Variants in NEURL4 observed in about 807,000 individuals in gnomAD.
NEURL4 encodes neuralized-like protein 4.
NEURL4 carries 45 observed loss-of-function variants against 148.0 expected under a neutral mutation model. That is an observed-to-expected ratio of 0.30 (90% CI 0.24 to 0.39). NEURL4 has a LOEUF of 0.39. Among genes scored for constraint, NEURL4 ranks in the 10% least tolerant of loss-of-function variants. The probability of loss-of-function intolerance (pLI) is 1.00; values close to 1 mark genes in which losing one functional copy is unlikely to be tolerated. For synonymous variants in NEURL4, 854 were observed against 869.0 expected, an observed-to-expected ratio of 0.98 and a Z score of 0.30; for missense variants, 1,776 against 2,144.0, an observed-to-expected ratio of 0.83 and a Z score of 3.39.
rs1413752937 is a variant in NEURL4, at chr17:7,316,339, G to GA, written c.4485-13dup. The stretch of plus-strand genomic sequence containing the variant: ...TGGGGTCCCGGAATCTGTCAGACAA[G>GA]AAAAAATAAGGGAGTGAAGCCTCTC... On this transcript the variant is annotated splice_polypyrimidine_tract_variant and intron_variant, in intron 28 of 28. Transcript: ENST00000399464. 1.2e-6 allele frequency: 2 copies of GA among 1,608,100 alleles called. No individual in the cohort carries two copies. Among genetic ancestry groups the GA allele is most frequent in the African/African-American group, 2.7e-5 (2 of 74,778 alleles).
chr17:7,327,385 C>CT lies in NEURL4; in HGVS notation c.727+54dup. ...CCCACACCCAGCCTGTCTTGTCACT[C>CT]TATTTCCCCCATTCCGTCCCCACCC... On this transcript the variant is annotated intron_variant, in intron 2 of 28. Coordinates refer to ENST00000399464, the MANE Select transcript of NEURL4 (RefSeq NM_032442.3). The surrounding 1 kb of genome is among the most constrained non-coding windows in gnomAD (Gnocchi z 6.6). 6.8e-7 allele frequency: 1 copy of CT among 1,479,828 alleles called. No individual in the cohort carries two copies. The highest frequency in any genetic ancestry group is 1.3e-5 in the South Asian group (1 of 76,380). The allele number at this position is 1,479,828 out of a possible 1,614,324, so 91.7% of individuals were successfully genotyped here. A position where few individuals can be genotyped will look rare whatever the true frequency, so the allele number is the denominator to read the frequency against.
chr17:7,319,352 T>A (rs1597631212), intron 21 of NEURL4, 144 bp from the exon 22 acceptor site: 1 of 398,694 alleles, frequency 2.5e-6, no homozygotes. Flanking sequence ...CAGAAAACGC[T>A]AATTTAGTTG....
chr17:7,316,138 C>A lies in NEURL4; in HGVS notation c.4674G>T (p.Leu1558=). ...GTCTCACCCCTCATTCCACCCGTAC[C>A]AGCAGGGCACAGAGGAGTGTGGCCC... ...EKGATLLCAL[L]VRVE The change falls in exon 29 of 29, where the codon CTG becomes CTT. Residue 1558 remains leucine (L), a synonymous_variant. Coordinates refer to ENST00000399464, the MANE Select transcript of NEURL4 (RefSeq NM_032442.3). The A allele has an allele frequency of 6.5e-7, 1 of 1,547,526 alleles. No individual in the cohort carries two copies. Among genetic ancestry groups the A allele is most frequent in the South Asian group, 1.1e-5 (1 of 89,772 alleles).
rs1597628082 is a variant in NEURL4 at position 7,316,199 on chromosome 17, C to A, written c.4613G>T (p.Ser1538Ile). Reference sequence around the variant, plus strand: ...AGTGACCCACTCAAGTTCGGCTGGACTGAAGTGAGGGTCAGGAGGTTCTCC... The same window carrying A: ...AGTGACCCACTCAAGTTCGGCTGGAATGAAGTGAGGGTCAGGAGGTTCTCC... ...ALGEPPDPHF[S>I]PAELEWVTKE... Residue 1538 changes from serine to isoleucine, a missense_variant, in exon 29 of 29, where the codon AGT becomes ATT. Physicochemically the swap from Ser to Ile is moderately radical, Grantham distance 142. Coordinates refer to ENST00000399464, the MANE Select transcript of NEURL4 (RefSeq NM_032442.3). 1 of 1,610,960 alleles carries A rather than the reference C, an allele frequency of 6.2e-7. No individual in the cohort carries two copies. Among genetic ancestry groups the A allele is most frequent in the East Asian group, 2.2e-5 (1 of 44,856 alleles).
Position 7,325,349 on chromosome 17 carries a change from G to A in NEURL4, c.1491C>T (p.Ile497=). The A allele has an allele frequency of 6.2e-7, 1 of 1,613,598 alleles. No individual in the cohort carries two copies. ...HSDRLRRNNA[I]LRALSPEGAL... ...CACCCTCGGGGGACAGCGCCCGCAG[G>A]ATGGCGTTGTTTCGGCGGAGACGGT... Residue 497 remains isoleucine, a synonymous_variant, in exon 8 of 29, where the codon ATC becomes ATT. Coordinates refer to ENST00000399464, the MANE Select transcript of NEURL4 (RefSeq NM_032442.3).
At chr17:7,316,948 A>G (rs2072955339) in intron 28 of NEURL4, among the ~76,000 whole-genome samples, 1 of 152,134 alleles carries the variant, frequency 6.6e-6, no homozygotes. Context: ...AAATAAATAA[A>G]TAATACTTAT....
chr17:7,327,172 C>T lies in NEURL4; in HGVS notation c.786G>A (p.Ser262=), dbSNP rs759026242. 1.6e-5 allele frequency: 25 copies of T among 1,611,900 alleles called. No homozygotes were observed. The highest frequency in any genetic ancestry group is 1.9e-5 in the Non-Finnish European group (23 of 1,179,708). Residue 262 remains serine (S), a synonymous_variant, in exon 3 of 29, where the codon TCG becomes TCA. Coordinates refer to ENST00000399464, the MANE Select transcript of NEURL4 (RefSeq NM_032442.3). The surrounding 1 kb of genome is among the most constrained non-coding windows in gnomAD (Gnocchi z 6.6). ...RPETFPNSLE[S]HNDFANMELS... ...CCTCCCCAAAGCCCTCACCATTATGCGACTCAAGGCTGTTAGGAAACGTCT... is the reference window on the plus strand; with the variant it reads ...CCTCCCCAAAGCCCTCACCATTATGTGACTCAAGGCTGTTAGGAAACGTCT...
intron 21 of NEURL4, 41 bp downstream of exon 21, chr17:7,320,718 T>G (rs368530865): frequency 4.5e-5 from 72 of 1,588,252 alleles, no homozygotes; most frequent in Non-Finnish European, 6.0e-5. Flanking sequence ...CATGGGTCAC[T>G]GTGGAGCGAG....
chr17:7,319,123 G>A lies in NEURL4; in HGVS notation c.3611C>T (p.Pro1204Leu), dbSNP rs375748165. 3.0e-5 allele frequency: 48 copies of A among 1,614,030 alleles called. No individual in the cohort carries two copies. The highest frequency in any genetic ancestry group is 4.0e-5 in the Non-Finnish European group (47 of 1,180,030). Reference sequence around the variant, plus strand: ...CCGTTTGAGGGCACAGGCAGAAGCAGGGAAGTTGAGCCTCTCAGGCGCGCA... The same window carrying A: ...CCGTTTGAGGGCACAGGCAGAAGCAAGGAAGTTGAGCCTCTCAGGCGCGCA... ...ITCAPERLNF[P>L]ASACALKRAA... Residue 1204 changes from proline to leucine, a missense_variant, in exon 22 of 29, where the codon CCT becomes CTT. Physicochemically the swap from Pro to Leu is moderately conservative, Grantham distance 98. Coordinates refer to ENST00000399464, the MANE Select transcript of NEURL4 (RefSeq NM_032442.3).
chr17:7,321,947 C>T lies in NEURL4; in HGVS notation c.2789G>A (p.Gly930Asp). The stretch of plus-strand genomic sequence containing the variant: ...GCCAGCGGCACGCACTGCCCTCGTG[C>T]CATCCTCCTCTAGAGTGACGTTCTT... ...CGKNVTLEED[G>D]TRAVRAAGYA... The change falls in exon 17 of 29, where the codon GGC becomes GAC. Residue 930 changes from glycine (G) to aspartate (D), a missense_variant. By Grantham distance (94) the Gly-to-Asp change is moderately conservative. Coordinates refer to ENST00000399464, the MANE Select transcript of NEURL4 (RefSeq NM_032442.3). The surrounding 1 kb of genome is among the most constrained non-coding windows in gnomAD (Gnocchi z 6.3). The T allele has an allele frequency of 1.2e-6, 2 of 1,613,798 alleles. No individual in the cohort carries two copies. The highest frequency in any genetic ancestry group is 1.7e-6 in the Non-Finnish European group (2 of 1,180,010).
rs1329851621 is a variant in NEURL4 at position 7,321,975 on chromosome 17, C to T, written c.2761G>A (p.Gly921Ser). ...TCCTCCTCTAGAGTGACGTTCTTGC[C>T]GCAAGTACTGTGGAATCGGTGAGCC... ...GVAHRFHSTC[G>S]KNVTLEEDGT... The change falls in exon 17 of 29, where the codon GGC becomes AGC. Residue 921 changes from glycine (G) to serine (S), a missense_variant. By Grantham distance (56) the Gly-to-Ser change is moderately conservative. Transcript: ENST00000399464. This position sits in a 1 kb window ranked among gnomAD's most constrained non-coding sequence, Gnocchi z 6.3. 3.7e-6 allele frequency: 6 copies of T among 1,612,394 alleles called. No homozygotes were observed. The African/African-American group carries it at 4.0e-5, about 11-fold the overall frequency.
chr17:7,321,890 T>G lies in NEURL4; in HGVS notation c.2846A>C (p.Glu949Ala), dbSNP rs768815431. 1.2e-6 allele frequency: 2 copies of G among 1,613,748 alleles called. No individual in the cohort carries two copies. Among genetic ancestry groups the G allele is most frequent in the Non-Finnish European group, 1.7e-6 (2 of 1,179,932 alleles). The change falls in exon 17 of 29, where the codon GAG (glutamate) becomes GCG (alanine). Residue 949 changes from glutamate to alanine, a missense_variant. Transcript: ENST00000399464. The surrounding 1 kb of genome is among the most constrained non-coding windows in gnomAD (Gnocchi z 6.3). ...CTCAAAGACTTCCTCAGCCCTCAGC[T>G]CCTTGGTACTGAAGACAAGGCCATG... The part of the protein sequence containing the change: ...YAHGLVFSTK[E>A]LRAEEVFEVK...
In NEURL4 at chr17:7,327,795, C is replaced by G; in HGVS notation, c.372G>C (p.Lys124Asn). The G allele has an allele frequency of 6.2e-7, 1 of 1,614,032 alleles. No individual in the cohort carries two copies. Among genetic ancestry groups the G allele is most frequent in the Non-Finnish European group, 8.5e-7 (1 of 1,180,032 alleles). ...LDFPSSATGL[K>N]GGSWVVSGCS... ...AGCCCGACACTACCCACGAGCCCCC[C>G]TTCAGGCCCGTGGCACTGCTTGGAA... Residue 124 changes from lysine to asparagine, a missense_variant, in exon 2 of 29, where the codon AAG becomes AAC. Transcript: ENST00000399464. This position sits in a 1 kb window ranked among gnomAD's most constrained non-coding sequence, Gnocchi z 6.6.
At chr17:7,320,708 C>T (rs2073020331) in intron 21 of NEURL4, 51 bp downstream of exon 21, 1 of 1,551,258 alleles carries the variant, frequency 6.4e-7, no homozygotes. Flanking sequence ...GGGGGTTGGC[C>T]ATGGGTCACT....
chr17:7,326,266 C>A lies in NEURL4; in HGVS notation c.1282G>T (p.Asp428Tyr). ...TGCCCCACCCTCACCTGCAACTCATCCAGACTGAATTCGCAGTACTCCCGG... is the reference window on the plus strand; with the variant it reads ...TGCCCCACCCTCACCTGCAACTCATACAGACTGAATTCGCAGTACTCCCGG... ...TRREYCEFSL[D>Y]ELQEGDHIGL... Residue 428 changes from aspartate to tyrosine, a missense_variant, in exon 6 of 29, where the codon GAT becomes TAT. By Grantham distance (160) the Asp-to-Tyr change is radical. Transcript: ENST00000399464. The surrounding 1 kb of genome is among the most constrained non-coding windows in gnomAD (Gnocchi z 6.0). The A allele has an allele frequency of 6.2e-7, 1 of 1,614,092 alleles. No individual in the cohort carries two copies. Among genetic ancestry groups the A allele is most frequent in the Non-Finnish European group, 8.5e-7 (1 of 1,179,986 alleles).
intron 8 of NEURL4, 57 bp downstream of exon 8, chr17:7,325,145 GCCCCGCC>G: frequency 3.6e-6 from 3 of 830,658 alleles, no homozygotes; most frequent in Non-Finnish European, 3.6e-6. Flanking sequence ...CCACTTCCTT[GCCCCGCC>G]CCCCCCCCCC....
intron 8 of NEURL4, 114 bp from the exon 9 acceptor site, chr17:7,325,094 C>T (rs1835514214): frequency 6.5e-7 from 1 of 1,541,842 alleles, no homozygotes; most frequent in South Asian, 1.2e-5. Context: ...AACTAAAGCT[C>T]AACCTCCAGG....
In NEURL4 at chr17:7,324,439, T is replaced by C; in HGVS notation, c.1855A>G (p.Thr619Ala). The change falls in exon 10 of 29, where the codon ACG becomes GCG. Residue 619 changes from threonine to alanine, a missense_variant. Thr to Ala is a moderately conservative substitution (Grantham distance 58). Transcript: ENST00000399464. The surrounding 1 kb of genome is among the most constrained non-coding windows in gnomAD (Gnocchi z 5.9). Reference protein sequence around the residue: ...MTGNGVMHNGTTILDEYGHNL... With the variant: ...MTGNGVMHNGATILDEYGHNL... ...TGCCCGTATTCATCCAGGATGGTCG[T>C]CCCATTGTGCATCACCCCATTCCCA... 1 of 1,614,074 alleles carries C rather than the reference T, an allele frequency of 6.2e-7. No individual in the cohort carries two copies. The highest frequency in any genetic ancestry group is 8.5e-7 in the Non-Finnish European group (1 of 1,179,976).
chr17:7,326,757 C>G lies in NEURL4; in HGVS notation c.1046G>C (p.Gly349Ala). The change falls in exon 4 of 29, where the codon GGG (glycine) becomes GCG (alanine). Residue 349 changes from glycine (G) to alanine (A), a missense_variant. By Grantham distance (60) the Gly-to-Ala change is moderately conservative. Coordinates refer to ENST00000399464, the MANE Select transcript of NEURL4 (RefSeq NM_032442.3). The surrounding 1 kb of genome is among the most constrained non-coding windows in gnomAD (Gnocchi z 6.0). ...AAGGGGGCGATTGGTCATGACAACC[C>G]CATTGTTGAATTCATCCAGGGGCCG... ...RRRPLDEFNNGVVMTNRPLRD... is the reference protein window; with the variant it reads ...RRRPLDEFNNAVVMTNRPLRD... The G allele has an allele frequency of 6.2e-7, 1 of 1,613,216 alleles. No homozygotes were observed.
Sources: gnomAD v4.1 joint callset for allele counts (sites outside exome capture counted in the v4.1 genomes callset) on GRCh38, gnomAD v4.1.1 for gene constraint, Gnocchi (gnomAD v3.1) non-coding constraint, MANE v1.5 for transcripts, NCBI Gene and HGNC (gene_info 2026-07-23, HGNC 2026-07-21) for gene names.